The following GLIS3 variants were observed in gnomAD, a reference collection of about 807,000 sequenced individuals.
The protein encoded by GLIS3 is GLIS family zinc finger 3, also known as zinc finger protein GLIS3.
In GLIS3, 53 loss-of-function variants were observed where a neutral mutation model predicts 78.6. The observed-to-expected ratio is 0.67, with a 90% CI of 0.54 to 0.85. The LOEUF (loss-of-function observed/expected upper bound fraction) is 0.85, where lower values mean the gene tolerates loss of function less well. GLIS3 is among the 40% of genes least tolerant of loss of function. The pLI, the probability that GLIS3 is intolerant of heterozygous loss-of-function variation, is 0.00. For synonymous variants in GLIS3, 684 were observed against 509.9 expected (o/e 1.34, Z -4.60); for missense variants, 1,703 against 1,231.1 (o/e 1.38, Z -5.74).
At chr9:4,114,112 T>C (rs1324690068) in intron 4 of GLIS3, among the ~76,000 whole-genome samples, 5 of 152,152 alleles carry the variant, frequency 3.3e-5, no homozygotes, top group Non-Finnish European at 5.9e-5. Context: ...GTGTTTCTGA[T>C]CCTAGCAACA....
chr9:3,831,462 A>G (rs1818039890), intron 9 of GLIS3, among the ~76,000 whole-genome samples: 1 of 152,236 alleles, frequency 6.6e-6, no homozygotes, highest in Non-Finnish European at 1.5e-5. Flanking sequence ...ATTCCTAAAA[A>G]TCATTCTCAA....
intron 2 of GLIS3, among the ~76,000 whole-genome samples, chr9:4,327,861 C>T (rs1185367957): frequency 2.6e-5 from 4 of 152,182 alleles, no homozygotes; most frequent in Non-Finnish European, 5.9e-5. Context: ...GATCAGTGAC[C>T]GGTGTAGCAG....
chr9:4,236,878 G>A (rs1359287834), intron 2 of GLIS3, among the ~76,000 whole-genome samples: 1 of 152,132 alleles, frequency 6.6e-6, no homozygotes, highest in Non-Finnish European at 1.5e-5. Flanking sequence ...ATTGGCAGAT[G>A]CCTTTCTTAC....
chr9:4,122,352 C>T (rs1473312423), intron 3 of GLIS3, among the ~76,000 whole-genome samples: 3 of 152,178 alleles, frequency 2.0e-5, no homozygotes, highest in Non-Finnish European at 2.9e-5. Context: ...CTCAGCAAAT[C>T]CCCTAAAAGA....
At chr9:4,170,429 C>T (rs887104998) in intron 2 of GLIS3, among the ~76,000 whole-genome samples, 23 of 152,206 alleles carry the variant, frequency 1.5e-4, no homozygotes, top group African/African-American at 5.3e-4. Context: ...ACACATGAGT[C>T]AGCAACTAAG....
intron 4 of GLIS3, among the ~76,000 whole-genome samples, chr9:3,953,789 C>G (rs955591583): frequency 1.1e-4 from 5 of 45,522 alleles, no homozygotes; most frequent in African/African-American, 3.9e-4. Flanking sequence ...CTCTCTCTCT[C>G]TCTCTCTATA....
chr9:4,321,052 C>G (rs1183659219), intron 2 of GLIS3, among the ~76,000 whole-genome samples: 1 of 151,854 alleles, frequency 6.6e-6, no homozygotes, highest in African/African-American at 2.4e-5. Flanking sequence ...TCATACCTTT[C>G]CCTCCTCTGC....
intron 2 of GLIS3, among the ~76,000 whole-genome samples, chr9:4,173,532 T>C (rs1228513472): frequency 1.3e-5 from 2 of 151,388 alleles, no homozygotes; most frequent in African/African-American, 2.4e-5. Flanking sequence ...TATTACTATA[T>C]ATATAATATG....
At chr9:4,070,534 T>C (rs573431500) in intron 4 of GLIS3, among the ~76,000 whole-genome samples, 3 of 151,638 alleles carry the variant, frequency 2.0e-5, no homozygotes, top group Admixed American at 6.6e-5. Context: ...GCGTAAGTAT[T>C]TGTGTGTGTG....
At chr9:4,159,508 G>A (rs5027094) in intron 2 of GLIS3, among the ~76,000 whole-genome samples, 3 of 152,112 alleles carry the variant, frequency 2.0e-5, no homozygotes, top group Non-Finnish European at 4.4e-5. Context: ...CACTTGAGGT[G>A]AGGAGTTTGA....
Position 4,319,983 on chromosome 9 carries a change from TTGTGTGTGTGTGTG to T in GLIS3, n.265-9469_265-9456del, listed in dbSNP as rs58794068. On this transcript the variant is annotated intron_variant and non_coding_transcript_variant, in intron 2 of 4. Transcript: ENST00000471664. ...CCTTACAGTAGGTTAGTAGAGGGGGTTGTGTGTGTGTGTGTGTGTGTGTGTGTGTGTGTGTGTGT... is the reference window on the plus strand; with the variant it reads ...CCTTACAGTAGGTTAGTAGAGGGGGTTGTGTGTGTGTGTGTGTGTGTGTGT... 9.2e-4 allele frequency among the ~76,000 whole-genome samples: 134 copies of T among 145,174 alleles called. 2 individuals are homozygous for T. The highest frequency in any genetic ancestry group is 1.6e-3 in the East Asian group (8 of 4,986).
the GLIS3 span, among the ~76,000 whole-genome samples, chr9:4,454,239 A>G: frequency 6.6e-6 from 1 of 152,014 alleles, no homozygotes; most frequent in Non-Finnish European, 1.5e-5. Flanking sequence ...GCCTAGGCTC[A>G]AGGGATCCTC....
chr9:4,043,349 T>A (rs1468842176), intron 4 of GLIS3, among the ~76,000 whole-genome samples: 1 of 152,020 alleles, frequency 6.6e-6, no homozygotes, highest in East Asian at 1.9e-4. Flanking sequence ...CAGGGTGAGG[T>A]ACACTGAGTT....
chr9:3,931,342 T>G (rs1256204360), intron 6 of GLIS3, among the ~76,000 whole-genome samples: 1 of 152,076 alleles, frequency 6.6e-6, no homozygotes, highest in Non-Finnish European at 1.5e-5. Context: ...CATAAAAGTG[T>G]TAAATCCCCA....
rs570028334 is a variant in GLIS3, at chr9:3,884,920, C to T, written c.2129-5325G>A. 7.2e-5 allele frequency among the ~76,000 whole-genome samples: 11 copies of T among 152,280 alleles called. No homozygotes were observed. In the South Asian group the frequency reaches 2.3e-3, roughly 32 times the overall value. On this transcript the variant is annotated intron_variant, in intron 7 of 10. Coordinates refer to ENST00000381971, the MANE Select transcript of GLIS3 (RefSeq NM_001042413.2). ...TCAGGGCCCCTGAACACTCTGTTTG[C>T]AAAGGCTGCTTGTTGCCAATAGCCA...
chr9:4,076,665 G>A (rs1349865146), intron 4 of GLIS3, among the ~76,000 whole-genome samples: 1 of 152,146 alleles, frequency 6.6e-6, no homozygotes, highest in Non-Finnish European at 1.5e-5. Context: ...TTAAAAATGT[G>A]AATTTAAATA....
At chr9:4,163,050 C>A (rs1319976067) in intron 2 of GLIS3, among the ~76,000 whole-genome samples, 2 of 152,122 alleles carry the variant, frequency 1.3e-5, no homozygotes, top group Non-Finnish European at 2.9e-5. Context: ...AGCAACAATG[C>A]CTGGGCATCA....
chr9:4,235,298 CAAAAA>C (rs60654092), intron 2 of GLIS3, among the ~76,000 whole-genome samples: 2 of 106,066 alleles, frequency 1.9e-5, no homozygotes, highest in African/African-American at 3.9e-5. Context: ...GACTCTGTCT[CAAAAA>C]AAAAAAAAAA....
At chr9:3,841,061 T>C (rs548543578) in intron 9 of GLIS3, among the ~76,000 whole-genome samples, 3 of 152,086 alleles carry the variant, frequency 2.0e-5, no homozygotes, top group East Asian at 3.9e-4. Context: ...AATAGGGAAA[T>C]AGGGGGGAAA....
Sources: gnomAD v4.1 joint callset for allele counts (sites outside exome capture counted in the v4.1 genomes callset) on GRCh38, gnomAD v4.1.1 for gene constraint, MANE v1.5 for transcripts, NCBI Gene and HGNC (gene_info 2026-07-23, HGNC 2026-07-21) for gene names.